Variants in SBF2 observed in about 807,000 individuals in gnomAD.
The protein encoded by SBF2 is SET binding factor 2.
In SBF2, 112 loss-of-function variants were observed where a neutral mutation model predicts 225.2. The observed-to-expected ratio is 0.50, with a 90% confidence interval of 0.43 to 0.58. SBF2 has a LOEUF of 0.58. SBF2 is among the 20% of genes least tolerant of loss of function. The pLI, the probability that SBF2 is intolerant of heterozygous loss-of-function variation, is 0.00. For synonymous variants in SBF2, 763 were observed against 773.3 expected, an observed-to-expected ratio of 0.99 and a Z score of 0.22; for missense variants, 1,996 against 2,206.2, an observed-to-expected ratio of 0.90 and a Z score of 1.91.
chr11:9,866,886 GCAAA>G (rs1034033049), intron 17 of SBF2, among the ~76,000 whole-genome samples: 115 of 152,068 alleles, frequency 7.6e-4, no homozygotes, highest in African/African-American at 2.5e-3. Context: ...CAACTCAATA[GCAAA>G]CAAACAAACA....
At chr11:9,783,104 A>C (rs910220910) in intron 38 of SBF2, 2 of 49,562 alleles carry the variant, frequency 4.0e-5, no homozygotes. Context: ...GAAGTCCAGA[A>C]GACTGGTAAG....
At chr11:10,116,529 G>A (rs1953148279) in intron 2 of SBF2, among the ~76,000 whole-genome samples, 1 of 152,116 alleles carries the variant, frequency 6.6e-6, no homozygotes, top group African/African-American at 2.4e-5. Context: ...CATTGCTTTT[G>A]TCATATTATT....
chr11:10,002,234 ATCTC>A (rs1397285498), intron 7 of SBF2, among the ~76,000 whole-genome samples: 2 of 152,146 alleles, frequency 1.3e-5, no homozygotes, highest in African/African-American at 4.8e-5. Context: ...TATTAATAGA[ATCTC>A]TATCATTATA....
rs115237948 is a variant in SBF2 at position 10,237,555 on chromosome 11, T to C, written c.56-43568A>G. Among the ~76,000 whole-genome samples, 1,033 of 152,360 alleles carry C rather than the reference T, an allele frequency of 6.8e-3. 10 individuals carry two copies. Among genetic ancestry groups the C allele is most frequent in the African/African-American group, 0.024 (978 of 41,584 alleles). On this transcript the variant is annotated intron_variant, in intron 1 of 39. Coordinates refer to ENST00000256190, the MANE Select transcript of SBF2 (RefSeq NM_030962.4). ...CAGAATTACTAATACCCCTATCTTGTCTTTTACTTCTTTGAAAATATTGAG... is the reference window on the plus strand; with the variant it reads ...CAGAATTACTAATACCCCTATCTTGCCTTTTACTTCTTTGAAAATATTGAG...
At chr11:10,063,440 C>A (rs1046262586) in intron 2 of SBF2, among the ~76,000 whole-genome samples, 6 of 151,244 alleles carry the variant, frequency 4.0e-5, no homozygotes, top group African/African-American at 1.2e-4. Context: ...TCACTGCAAG[C>A]CCTGCCTCCT....
chr11:10,231,124 C>A (rs1184365488), intron 1 of SBF2, among the ~76,000 whole-genome samples: 1 of 152,134 alleles, frequency 6.6e-6, no homozygotes, highest in Non-Finnish European at 1.5e-5. Context: ...CTTGTGCATT[C>A]GTCACTTAAT....
intron 6 of SBF2, among the ~76,000 whole-genome samples, chr11:10,012,632 A>C (rs1948500143): frequency 6.6e-6 from 1 of 152,360 alleles, no homozygotes; most frequent in African/African-American, 2.4e-5. Context: ...TGCTAAATCC[A>C]GTATGTGCGC....
intron 16 of SBF2, among the ~76,000 whole-genome samples, chr11:9,953,098 CAAAA>C (rs568291813): frequency 5.1e-4 from 77 of 152,308 alleles, no homozygotes; most frequent in African/African-American, 1.8e-3. Flanking sequence ...TTTGCAATTG[CAAAA>C]ATGCGGAGCC....
Position 9,832,277 on chromosome 11 carries a change from A to T in SBF2, c.3599T>A (p.Phe1200Tyr). The T allele has an allele frequency of 6.2e-7, 1 of 1,614,180 alleles. No homozygotes were observed. The highest frequency in any genetic ancestry group is 8.5e-7 in the Non-Finnish European group (1 of 1,180,020). The change falls in exon 27 of 40, where the codon TTC becomes TAC. Residue 1200 changes from phenylalanine (F) to tyrosine (Y), a missense_variant. Physicochemically the swap from Phe to Tyr is conservative, Grantham distance 22. Transcript: ENST00000256190. ...AAGACCAACGACTCCCTTCCCATGG[A>T]ATCCTCCAGATCGGAGGAGCAGAGT... ...SGTLLLRSGG[F>Y]HGKGVVGLFK...
At chr11:9,839,982 A>G (rs1446165501) in intron 25 of SBF2, among the ~76,000 whole-genome samples, 1 of 152,248 alleles carries the variant, frequency 6.6e-6, no homozygotes, top group African/African-American at 2.4e-5. Context: ...CACGCCTGTA[A>G]TCCCAGCACT....
chr11:10,063,830 A>AACACACACACACAC (rs140036479), intron 2 of SBF2, among the ~76,000 whole-genome samples: 1 of 140,164 alleles, frequency 7.1e-6, no homozygotes, highest in African/African-American at 2.6e-5. Context: ...TCTAAAATAA[A>AACACACACACACAC]ACACACACAC....
At chr11:10,008,142 G>A (rs564720398) in intron 6 of SBF2, among the ~76,000 whole-genome samples, 25 of 152,158 alleles carry the variant, frequency 1.6e-4, no homozygotes, top group Admixed American at 7.9e-4. Context: ...TACCCAGGGA[G>A]GTATATGGGG....
At chr11:9,787,154 A>T (rs1852427493) in intron 36 of SBF2, among the ~76,000 whole-genome samples, 1 of 152,236 alleles carries the variant, frequency 6.6e-6, no homozygotes, top group Admixed American at 6.5e-5. Flanking sequence ...TCGGCCTCCC[A>T]AAGTGCTGGG....
intron 6 of SBF2, among the ~76,000 whole-genome samples, chr11:10,023,860 T>C (rs942399056): frequency 6.6e-6 from 1 of 152,204 alleles, no homozygotes; most frequent in African/African-American, 2.4e-5. Flanking sequence ...TGTGAATATA[T>C]GTTTTTCTTT....
At chr11:9,938,201 G>A (rs949177157) in intron 16 of SBF2, among the ~76,000 whole-genome samples, 1 of 151,774 alleles carries the variant, frequency 6.6e-6, no homozygotes, top group Admixed American at 6.6e-5. Flanking sequence ...TGTGGCAGGA[G>A]AATGGTGAGA....
intron 6 of SBF2, among the ~76,000 whole-genome samples, chr11:10,011,110 T>C (rs896944047): frequency 1.3e-5 from 2 of 152,128 alleles, no homozygotes; most frequent in African/African-American, 4.8e-5. Context: ...AATAAAAAAA[T>C]ACACATATAG....
At chr11:9,967,309 T>C (rs954565132) in intron 14 of SBF2, among the ~76,000 whole-genome samples, 15 of 151,674 alleles carry the variant, frequency 9.9e-5, no homozygotes, top group African/African-American at 3.4e-4. Context: ...GAGGCGGAGC[T>C]TGCAGTGAGC....
At chr11:9,891,652 C>T (rs1048654606) in intron 17 of SBF2, among the ~76,000 whole-genome samples, 3 of 152,104 alleles carry the variant, frequency 2.0e-5, no homozygotes, top group Non-Finnish European at 4.4e-5. Flanking sequence ...TAAAAGTAAT[C>T]CTAAGAATTT....
chr11:10,007,749 G>A (rs367629897), intron 6 of SBF2, among the ~76,000 whole-genome samples: 101 of 152,188 alleles, frequency 6.6e-4, no homozygotes, highest in African/African-American at 2.2e-3. Flanking sequence ...TCCCAGGCCC[G>A]GAGCCCCTCC....
Sources: allele counts gnomAD v4.1 joint callset (sites outside exome capture counted in the v4.1 genomes callset), GRCh38; gene constraint gnomAD v4.1.1; transcripts MANE v1.5; gene names NCBI Gene and HGNC (gene_info 2026-07-23, HGNC 2026-07-21).